PTPRD: variants seen among roughly 807,000 people sequenced by gnomAD.
PTPRD encodes receptor-type tyrosine-protein phosphatase delta.
Under a neutral mutation model 214.5 loss-of-function variants are expected in PTPRD, and 34 were observed. That is an observed-to-expected ratio of 0.16 (90% CI 0.12 to 0.21). The LOEUF is 0.21. PTPRD is among the 10% of genes least tolerant of loss of function. The pLI is 1.00. For synonymous variants in PTPRD, 1,128 were observed against 845.7 expected, an observed-to-expected ratio of 1.33 and a Z score of -5.79; for missense variants, 2,545 against 2,398.7, an observed-to-expected ratio of 1.06 and a Z score of -1.27.
intron 14 of PTPRD, among the ~76,000 whole-genome samples, chr9:8,577,269 T>C (rs938017882): frequency 6.6e-6 from 1 of 151,872 alleles, no homozygotes; most frequent in African/African-American, 2.4e-5. Flanking sequence ...ATTTATTTAT[T>C]TTGAGATGGA....
At position 8,990,063 on chromosome 9, in the gene PTPRD, G is replaced by C. The variant is rs183479184; in HGVS notation, c.-104+28634C>G. The stretch of plus-strand genomic sequence containing the variant: ...GGATAACATGGATACATTTGGACTT[G>C]TCTTTTCCCATTATTTGTGAAGAAG... On this transcript the variant is annotated intron_variant, in intron 11 of 45. Transcript: ENST00000381196. Among the ~76,000 whole-genome samples the C allele has an allele frequency of 1.8e-4, 28 of 152,240 alleles. No homozygotes were observed. In the East Asian group the frequency reaches 3.3e-3, roughly 18 times the overall value.
At chr9:9,879,882 T>C (rs1351051543) in intron 5 of PTPRD, among the ~76,000 whole-genome samples, 3 of 152,162 alleles carry the variant, frequency 2.0e-5, no homozygotes, top group South Asian at 4.1e-4. Flanking sequence ...TCACTGCCAG[T>C]TGGGTCAGTA....
intron 10 of PTPRD, among the ~76,000 whole-genome samples, chr9:9,172,049 T>C (rs73403424): frequency 0.023 from 3,430 of 152,208 alleles, 138 homozygotes; most frequent in African/African-American, 0.079. Context: ...ACAGTATAAA[T>C]GGTATTACAA....
rs553738086 is a variant in PTPRD, at chr9:9,597,802, T to A, written c.-286-23021A>T. On this transcript the variant is annotated intron_variant, in intron 7 of 45. Transcript: ENST00000381196. ...CATGTATATATTGGAATATACATAT[T>A]CATTTGAGAAATTTGGCAGCAAAGT... Among the ~76,000 whole-genome samples, 6 of 152,186 alleles carry A rather than the reference T, an allele frequency of 3.9e-5. No individual in the cohort carries two copies. In the East Asian group the frequency reaches 1.2e-3, roughly 29 times the overall value.
chr9:10,061,866 T>C (rs1440521201), intron 3 of PTPRD, among the ~76,000 whole-genome samples: 1 of 152,034 alleles, frequency 6.6e-6, no homozygotes, highest in Non-Finnish European at 1.5e-5. Context: ...GTATAGTCTC[T>C]GGACCTGCAG....
chr9:8,905,725 T>G (rs538822403), intron 11 of PTPRD, among the ~76,000 whole-genome samples: 2 of 131,728 alleles, frequency 1.5e-5, no homozygotes, highest in African/African-American at 3.1e-5. Flanking sequence ...GGAGACAGAG[T>G]GAGACTCCCT....
At chr9:9,087,893 T>A (rs1415663880) in intron 10 of PTPRD, among the ~76,000 whole-genome samples, 1 of 137,796 alleles carries the variant, frequency 7.3e-6, no homozygotes, top group African/African-American at 2.7e-5. Flanking sequence ...TTTTTTTTTT[T>A]TTTTTTTTTT....
intron 9 of PTPRD, among the ~76,000 whole-genome samples, chr9:9,278,215 G>A (rs889724559): frequency 2.4e-4 from 37 of 151,202 alleles, no homozygotes; most frequent in African/African-American, 7.7e-4. Context: ...TTGTTTAACC[G>A]GTTATCTCTC....
At chr9:10,432,429 A>C (rs920528183) in intron 2 of PTPRD, among the ~76,000 whole-genome samples, 5 of 151,616 alleles carry the variant, frequency 3.3e-5, no homozygotes, top group Admixed American at 2.0e-4. Flanking sequence ...TAAAACTTAA[A>C]GTATAATAAA....
intron 11 of PTPRD, among the ~76,000 whole-genome samples, chr9:8,940,687 G>A (rs1018511864): frequency 1.3e-5 from 2 of 151,856 alleles, no homozygotes; most frequent in Non-Finnish European, 2.9e-5. Flanking sequence ...TAATGTAATG[G>A]TTGACCTGCT....
rs115408375 is a variant in PTPRD at position 8,516,314 on chromosome 9, T to C, written c.1543+1534A>G. On this transcript the variant is annotated intron_variant, in intron 21 of 45. Coordinates refer to ENST00000381196, the MANE Select transcript of PTPRD (RefSeq NM_002839.4). ...CTGCAAATGGCACACAGAGAAGATA[T>C]ATGGATAGTTTTTAATACAACTGTG... Among the ~76,000 whole-genome samples the C allele has an allele frequency of 6.3e-3, 957 of 152,216 alleles. 10 individuals are homozygous for C. Among genetic ancestry groups the C allele is most frequent in the African/African-American group, 0.022 (904 of 41,548 alleles).
chr9:8,733,912 C>G lies in PTPRD; in HGVS notation c.-69G>C. 6.8e-7 allele frequency: 1 copy of G among 1,477,984 alleles called. No individual in the cohort carries two copies. The highest frequency in any genetic ancestry group is 1.4e-5 in the African/African-American group (1 of 71,844). The allele number at this position is 1,477,984 out of a possible 1,614,324, so 91.6% of individuals were successfully genotyped here. On this transcript the variant is annotated 5_prime_UTR_variant, in exon 12 of 46. Transcript: ENST00000381196. ...GCCTCCGGAGCCGCAGCGAGTCTGT[C>G]CGATCTGAAATTTCAGCTGGAACAC...
intron 13 of PTPRD, 38 bp downstream of exon 13, chr9:8,636,661 A>T (rs1293483842): frequency 6.2e-7 from 1 of 1,608,500 alleles, no homozygotes; most frequent in Non-Finnish European, 8.5e-7. Flanking sequence ...GAGCAGATAC[A>T]TTCTTCCCCC....
chr9:10,208,338 C>T (rs1048826869), intron 3 of PTPRD, among the ~76,000 whole-genome samples: 2 of 152,124 alleles, frequency 1.3e-5, no homozygotes, highest in African/African-American at 4.8e-5. Flanking sequence ...CACGGTGAAA[C>T]CCCGTCTCTA....
At chr9:9,639,113 C>A (rs564156940) in intron 7 of PTPRD, among the ~76,000 whole-genome samples, 38 of 152,308 alleles carry the variant, frequency 2.5e-4, no homozygotes, top group Admixed American at 2.4e-3. Flanking sequence ...TTTCCAACAT[C>A]TGTATTTACA....
intron 11 of PTPRD, among the ~76,000 whole-genome samples, chr9:8,770,158 G>A (rs980385695): frequency 6.6e-6 from 1 of 152,094 alleles, no homozygotes; most frequent in Non-Finnish European, 1.5e-5. Flanking sequence ...GTGCACGCCT[G>A]TAATCCCAGC....
At chr9:9,011,281 A>T (rs1367439689) in intron 11 of PTPRD, among the ~76,000 whole-genome samples, 1 of 152,174 alleles carries the variant, frequency 6.6e-6, no homozygotes, top group Non-Finnish European at 1.5e-5. Context: ...CTTATAATTC[A>T]TCTATTATTC....
At chr9:8,333,756 G>A (rs113176393) in intron 43 of PTPRD, among the ~76,000 whole-genome samples, 1,975 of 151,858 alleles carry the variant, frequency 0.013, 39 homozygotes, top group African/African-American at 0.044. Flanking sequence ...GACACGGACT[G>A]GCCAATTGGA....
intron 14 of PTPRD, among the ~76,000 whole-genome samples, chr9:8,584,760 T>C (rs1052259776): frequency 1.3e-5 from 2 of 152,188 alleles, no homozygotes; most frequent in Admixed American, 6.5e-5. Flanking sequence ...GAGACATACC[T>C]GAGAATGGGT....
Sources: allele counts gnomAD v4.1 joint callset (sites outside exome capture counted in the v4.1 genomes callset), GRCh38; gene constraint gnomAD v4.1.1; transcripts MANE v1.5; gene names NCBI Gene and HGNC (gene_info 2026-07-23, HGNC 2026-07-21).